The following KDELR1 variants were observed in gnomAD, a reference collection of about 807,000 sequenced individuals.
KDELR1 encodes KDEL endoplasmic reticulum protein retention receptor 1.
In KDELR1, 16 loss-of-function variants were observed where a neutral mutation model predicts 25.5. The observed-to-expected ratio is 0.63, with a 90% CI of 0.43 to 0.95. KDELR1 has a LOEUF of 0.95. Among genes scored for constraint, KDELR1 ranks in the 40% least tolerant of loss-of-function variants. The pLI is 0.00. For missense variants in KDELR1, 159 were observed against 265.2 expected (o/e 0.60, Z 2.78); for synonymous variants, 121 against 115.0 (o/e 1.05, Z -0.33).
intron 1 of KDELR1, chr19:48,390,776 C>G (rs1970542082): frequency 5.9e-6 from 3 of 506,342 alleles, no homozygotes; most frequent in Non-Finnish European, 1.1e-5. Flanking sequence ...CCCAGGCCCC[C>G]GAAGCTACTC....
At chr19:48,394,336 C>T (rs1182165413), upstream of KDELR1, among the ~76,000 whole-genome samples, 1 of 151,056 alleles carries the variant, frequency 6.6e-6, no homozygotes, top group Admixed American at 6.6e-5. The surrounding 1 kb of genome is among the most constrained non-coding windows in gnomAD (Gnocchi z 5.1). Flanking sequence ...TAGAGGTGGC[C>T]AAGCGAGGAA....
upstream of KDELR1, among the ~76,000 whole-genome samples, chr19:48,395,332 T>C (rs1460206500): frequency 1.3e-5 from 2 of 151,028 alleles, no homozygotes; most frequent in Non-Finnish European, 3.0e-5. Flanking sequence ...TCCCCTCCCA[T>C]GTCAGAGCTA....
At position 48,384,325 on chromosome 19, in the gene KDELR1, T is replaced by G; in HGVS notation, c.509A>C (p.Tyr170Ser). 1 of 1,614,204 alleles carries G rather than the reference T, an allele frequency of 6.2e-7. No individual in the cohort carries two copies. The highest frequency in any genetic ancestry group is 8.5e-7 in the Non-Finnish European group (1 of 1,180,042). Residue 170 changes from tyrosine to serine, a missense_variant, in exon 4 of 5, where the codon TAC (tyrosine) becomes TCC (serine). Coordinates refer to ENST00000330720, the MANE Select transcript of KDELR1 (RefSeq NM_006801.3). This position sits in a 1 kb window ranked among gnomAD's most constrained non-coding sequence, Gnocchi z 4.6. The stretch of plus-strand genomic sequence containing the variant: ...GAGGTCGAAGAAGCCCTCGAAATGG[T>G]AGCGCCAGATCCAGTTGAAGAGATA... The part of the protein sequence containing the change: ...TLYLFNWIWR[Y>S]HFEGFFDLIA...
chr19:48,391,687 CCATAGGAACTTGGGAGGGT>C (rs1970556023), upstream of KDELR1: 6 of 385,124 alleles, frequency 1.6e-5, no homozygotes, highest in South Asian at 1.2e-4. Flanking sequence ...CAAAGCTGCC[CCATAGGAACTTGGGAGGGT>C]CGCAGGGTTC....
chr19:48,390,445 T>A lies in KDELR1; in HGVS notation c.171A>T (p.Ser57=), dbSNP rs771833340. 6.2e-7 allele frequency: 1 copy of A among 1,609,568 alleles called. No homozygotes were observed. Among genetic ancestry groups the A allele is most frequent in the South Asian group, 1.1e-5 (1 of 90,972 alleles). Residue 57 remains serine, a synonymous_variant, in exon 2 of 5, where the codon TCA becomes TCT. Transcript: ENST00000330720. Reference sequence around the variant, plus strand: ...CTACCTTCATACACGTGTTGTAGAGTGAGATGTAGTTGGTGAAGAGGTCCA... The same window carrying A: ...CTACCTTCATACACGTGTTGTAGAGAGAGATGTAGTTGGTGAAGAGGTCCA... ...RYLDLFTNYI[S]LYNTCMKVVY...
chr19:48,390,701 G>C (rs1245001157), intron 1 of KDELR1, 177 bp from the exon 2 acceptor site: 3 of 564,056 alleles, frequency 5.3e-6, no homozygotes, highest in Non-Finnish European at 9.5e-6. Flanking sequence ...AGCTGTCCCC[G>C]GAGGCCTCCC....
chr19:48,392,999 G>A (rs1970579961), upstream of KDELR1, among the ~76,000 whole-genome samples: 1 of 152,248 alleles, frequency 6.6e-6, no homozygotes, highest in Non-Finnish European at 1.5e-5. Flanking sequence ...GGTACCCACA[G>A]ATGATGGAGG....
At chr19:48,391,622 C>G (rs1351042041), upstream of KDELR1, 2 of 486,870 alleles carry the variant, frequency 4.1e-6, no homozygotes, top group Non-Finnish European at 7.4e-6. Flanking sequence ...CCTGGATCCC[C>G]GGCGCCCCCT....
upstream of KDELR1, among the ~76,000 whole-genome samples, chr19:48,394,618 A>G (rs1462881167): frequency 6.6e-6 from 1 of 151,238 alleles, no homozygotes; most frequent in Middle Eastern, 3.2e-3. This position sits in a 1 kb window ranked among gnomAD's most constrained non-coding sequence, Gnocchi z 5.1. Context: ...GCAAGAGGAC[A>G]CCCCGACAGC....
At chr19:48,386,526 C>T (rs1970499373) in intron 3 of KDELR1, among the ~76,000 whole-genome samples, 3 of 150,610 alleles carry the variant, frequency 2.0e-5, no homozygotes, top group African/African-American at 4.9e-5. Context: ...CAGCTCACTG[C>T]AACCTCTGCT....
At chr19:48,395,989 G>A (rs1409634931), upstream of KDELR1, among the ~76,000 whole-genome samples, 2 of 152,106 alleles carry the variant, frequency 1.3e-5, no homozygotes, top group African/African-American at 4.8e-5. Context: ...GCCTGGGGGA[G>A]GAAGGGGCTG....
intron 4 of KDELR1, 97 bp from the exon 5 acceptor site, chr19:48,383,424 G>C: frequency 9.2e-7 from 1 of 1,086,682 alleles, no homozygotes; most frequent in South Asian, 1.3e-5. Flanking sequence ...CGCTAGATGG[G>C]CAGATCCACA....
At position 48,383,040 on chromosome 19, in the gene KDELR1, C is replaced by G. The variant is rs1268496034; in HGVS notation, c.*253G>C. On this transcript the variant is annotated 3_prime_UTR_variant, in exon 5 of 5. Coordinates refer to ENST00000330720, the MANE Select transcript of KDELR1 (RefSeq NM_006801.3). ...ACAGAGTAGAAGAAAAACGAGTCAT[C>G]AGAATCAAAAACTAAAGAGTGGAAA... 6 of 557,338 alleles carry G rather than the reference C, an allele frequency of 1.1e-5. No homozygotes were observed. In the African/African-American group the frequency reaches 1.1e-4, roughly 11 times the overall value. 34.5% of individuals were successfully genotyped at this position (557,338 alleles called of 1,614,324 possible). A position where few individuals can be genotyped will look rare whatever the true frequency, so the allele number is the denominator to read the frequency against.
In KDELR1 at chr19:48,383,170, G is replaced by A. The variant is rs2230413; in HGVS notation, c.*123C>T. On this transcript the variant is annotated 3_prime_UTR_variant, in exon 5 of 5. Coordinates refer to ENST00000330720, the MANE Select transcript of KDELR1 (RefSeq NM_006801.3). The stretch of plus-strand genomic sequence containing the variant: ...GTCCCCCTGAAACCCGGCAGGAGGC[G>A]GGATGGGGAGCACAAGAGGTGGGTT... 1.8e-4 allele frequency: 179 copies of A among 1,005,358 alleles called. 1 individual carries two copies. The South Asian group carries it at 2.1e-3, about 12-fold the overall frequency. 62.3% of individuals were successfully genotyped at this position (1,005,358 alleles called of 1,614,324 possible).
Position 48,390,577 on chromosome 19 carries a change from G to GAGAGAGAGAGAGAC in KDELR1, c.92-54_92-53insGTCTCTCTCTCTCT, listed in dbSNP as rs1555890422. The GAGAGAGAGAGAGAC allele has an allele frequency of 3.7e-3, 3,593 of 978,906 alleles. 18 individuals carry two copies. The highest frequency in any genetic ancestry group is 0.018 in the African/African-American group (1,094 of 59,534). The allele number at this position is 978,906 out of a possible 1,614,324, so 60.6% of individuals were successfully genotyped here. On this transcript the variant is annotated intron_variant, in intron 1 of 4. Transcript: ENST00000330720. ...AGAGAGAGAGACAGAGAGAGAGAGA[G>GAGAGAGAGAGAGAC]AGACAGACAGACAGACAGACAGACA...
At chr19:48,394,294 G>A (rs994308510), upstream of KDELR1, among the ~76,000 whole-genome samples, 2 of 151,594 alleles carry the variant, frequency 1.3e-5, no homozygotes, top group African/African-American at 4.9e-5. This position sits in a 1 kb window ranked among gnomAD's most constrained non-coding sequence, Gnocchi z 5.1. Context: ...GTTTCTGCCT[G>A]TGTTTGAGAG....
In KDELR1 at chr19:48,383,407, G is replaced by A. The variant is rs1385880095; in HGVS notation, c.605-80C>T. ...GACAGCCTCCCACAGCCAGAGCAGG[G>A]CAGGCACGCTAGATGGGCAGATCCA... On this transcript the variant is annotated intron_variant, in intron 4 of 4. Transcript: ENST00000330720. The A allele has an allele frequency of 9.1e-6, 12 of 1,318,334 alleles. 2 individuals are homozygous for A. In the Admixed American group the frequency reaches 2.4e-4, roughly 26 times the overall value. The allele number at this position is 1,318,334 out of a possible 1,614,324, so 81.7% of individuals were successfully genotyped here.
chr19:48,386,257 G>A (rs1165065372), intron 3 of KDELR1, among the ~76,000 whole-genome samples: 1 of 151,682 alleles, frequency 6.6e-6, no homozygotes, highest in African/African-American at 2.4e-5. Context: ...TGGAATTATA[G>A]GCACTCACCA....
At chr19:48,393,779 C>T (rs1240570610), upstream of KDELR1, among the ~76,000 whole-genome samples, 2 of 152,174 alleles carry the variant, frequency 1.3e-5, no homozygotes, top group East Asian at 3.9e-4. The surrounding 1 kb of genome is among the most constrained non-coding windows in gnomAD (Gnocchi z 5.6). Flanking sequence ...CCTCCCGCAG[C>T]CTCCCTCGGC....
Sources: gnomAD v4.1 joint callset for allele counts (sites outside exome capture counted in the v4.1 genomes callset) on GRCh38, gnomAD v4.1.1 for gene constraint, Gnocchi (gnomAD v3.1) non-coding constraint, MANE v1.5 for transcripts, NCBI Gene and HGNC (gene_info 2026-07-23, HGNC 2026-07-21) for gene names.